Variants in DNAAF11 observed in about 807,000 individuals in gnomAD.
The protein encoded by DNAAF11 is leucine rich repeat containing 6.
In DNAAF11, 45 loss-of-function variants were observed where a neutral mutation model predicts 60.8. The ratio of observed to expected loss-of-function variants is 0.74; its 90% CI spans 0.58 to 0.95. The LOEUF is 0.95. Among genes scored for constraint, DNAAF11 ranks in the 40% least tolerant of loss-of-function variants. DNAAF11 has a pLI of 0.00. For synonymous variants in DNAAF11, 191 were observed against 183.5 expected, an observed-to-expected ratio of 1.04 and a Z score of -0.33; for missense variants, 546 against 546.2, an observed-to-expected ratio of 1.00 and a Z score of 0.00.
intron 1 of DNAAF11, among the ~76,000 whole-genome samples, chr8:132,672,215 T>A (rs572849926): frequency 2.0e-5 from 3 of 152,168 alleles, no homozygotes; most frequent in Non-Finnish European, 4.4e-5. Context: ...GATCTATAGA[T>A]GACAAATGTG....
At chr8:132,681,472 G>A in the DNAAF11 span, among the ~76,000 whole-genome samples, 1 of 152,012 alleles carries the variant, frequency 6.6e-6, no homozygotes, top group African/African-American at 2.4e-5. Context: ...TAACTGTATC[G>A]CTTGTGACAG....
chr8:132,677,199 T>C (rs559332360), upstream of DNAAF11, among the ~76,000 whole-genome samples: 80 of 152,308 alleles, frequency 5.3e-4, no homozygotes, highest in African/African-American at 1.9e-3. Context: ...GCAGGCAAGT[T>C]TAGCAAATTC....
chr8:132,682,431 G>A, the DNAAF11 span, among the ~76,000 whole-genome samples: 6 of 152,150 alleles, frequency 3.9e-5, 1 homozygote, highest in South Asian at 8.3e-4. Context: ...ATCCCTGAAT[G>A]ACTGACCACT....
intron 10 of DNAAF11, among the ~76,000 whole-genome samples, chr8:132,594,281 G>A (rs1816766098): frequency 6.6e-6 from 1 of 152,030 alleles, no homozygotes; most frequent in African/African-American, 2.4e-5. Flanking sequence ...CATTTAGATA[G>A]GTAAAGACAA....
At chr8:132,588,119 G>T (rs755874792) in intron 10 of DNAAF11, among the ~76,000 whole-genome samples, 2 of 152,086 alleles carry the variant, frequency 1.3e-5, no homozygotes, top group Non-Finnish European at 2.9e-5. Context: ...CATAAAAATT[G>T]CCAATATCTA....
At chr8:132,674,151 G>A (rs867144045) in intron 1 of DNAAF11, among the ~76,000 whole-genome samples, 1,855 of 106,650 alleles carry the variant, frequency 0.017, 107 homozygotes, top group African/African-American at 0.044. Flanking sequence ...GGAGGAAGAG[G>A]AGGAGGAGAA....
chr8:132,576,611 G>A (rs1186086215), intron 11 of DNAAF11, among the ~76,000 whole-genome samples: 1 of 152,050 alleles, frequency 6.6e-6, no homozygotes, highest in East Asian at 1.9e-4. Context: ...AATCCAAAAT[G>A]CCCCCAAATC....
chr8:132,616,675 T>C (rs1819190807), intron 7 of DNAAF11, among the ~76,000 whole-genome samples: 1 of 152,166 alleles, frequency 6.6e-6, no homozygotes, highest in Non-Finnish European at 1.5e-5. Flanking sequence ...AAGTGTGCAA[T>C]GACTCTCTTA....
intron 4 of DNAAF11, 94 bp downstream of exon 4, chr8:132,637,841 C>T (rs1821451519): frequency 6.7e-6 from 7 of 1,047,280 alleles, no homozygotes; most frequent in Admixed American, 4.7e-5. Flanking sequence ...TTATCTGAAG[C>T]AACACATTCA....
chr8:132,699,811 CAT>C, the DNAAF11 span, among the ~76,000 whole-genome samples: 1 of 152,174 alleles, frequency 6.6e-6, no homozygotes, highest in African/African-American at 2.4e-5. Context: ...GTCGGATAAA[CAT>C]ACAAACATTA....
chr8:132,578,373 A>G, intron 11 of DNAAF11: 1 of 1,260,948 alleles, frequency 7.9e-7, no homozygotes, highest in Admixed American at 3.2e-5. Flanking sequence ...AGATCACAAT[A>G]ATCTCCAAAA....
Position 132,661,520 on chromosome 8 carries a change from C to T in DNAAF11, c.118G>A (p.Asp40Asn), listed in dbSNP as rs760744496. The T allele has an allele frequency of 4.0e-5, 64 of 1,613,502 alleles. No individual in the cohort carries two copies. In the Middle Eastern group the frequency reaches 8.2e-4, roughly 21 times the overall value. ...QQEIERLEHI[D>N]KWCRDLKILY... ...ATTTTTAAATCCCGGCACCATTTATCAATGTGTTCTAGTCTTTCTATTTCT... is the reference window on the plus strand; with the variant it reads ...ATTTTTAAATCCCGGCACCATTTATTAATGTGTTCTAGTCTTTCTATTTCT... The change falls in exon 2 of 12, where the codon GAT becomes AAT. Residue 40 changes from aspartate to asparagine, a missense_variant. Coordinates refer to ENST00000620350, the MANE Select transcript of DNAAF11 (RefSeq NM_012472.6).
intron 3 of DNAAF11, among the ~76,000 whole-genome samples, chr8:132,648,094 G>A (rs957624504): frequency 6.6e-6 from 1 of 152,044 alleles, no homozygotes; most frequent in East Asian, 1.9e-4. Flanking sequence ...GATTAATATC[G>A]ATGCAAAAAT....
intron 11 of DNAAF11, among the ~76,000 whole-genome samples, chr8:132,577,708 G>C (rs572477158): frequency 3.0e-3 from 460 of 152,298 alleles, no homozygotes; most frequent in Non-Finnish European, 5.6e-3. Flanking sequence ...GCCCAGGCTG[G>C]AGTGCGGTGG....
At chr8:132,662,437 A>G (rs903770774) in intron 1 of DNAAF11, among the ~76,000 whole-genome samples, 6 of 152,220 alleles carry the variant, frequency 3.9e-5, no homozygotes, top group Admixed American at 1.3e-4. Context: ...AATGACAAGG[A>G]GGAACCAGGC....
At position 132,615,105 on chromosome 8, in the gene DNAAF11, T is replaced by C. The variant is rs761412567; in HGVS notation, c.915-8A>G. 3.1e-6 allele frequency: 5 copies of C among 1,592,710 alleles called. No homozygotes were observed. In the South Asian group the frequency reaches 4.4e-5, roughly 14 times the overall value. ...TTCAAAGAGAAGTCAATTCTAAGAA[T>C]AACACATTTGGTGGGAAAAAAGAGA... On this transcript the variant is annotated splice_region_variant and splice_polypyrimidine_tract_variant and intron_variant, in intron 7 of 11. Coordinates refer to ENST00000620350, the MANE Select transcript of DNAAF11 (RefSeq NM_012472.6).
the DNAAF11 span, among the ~76,000 whole-genome samples, chr8:132,698,935 TAC>T: frequency 2.2e-3 from 228 of 103,768 alleles, 1 homozygote; most frequent in African/African-American, 0.012. Flanking sequence ...TATATATGTA[TAC>T]ATATATATAT....
At chr8:132,582,429 A>G (rs1353851465) in intron 11 of DNAAF11, among the ~76,000 whole-genome samples, 3 of 152,202 alleles carry the variant, frequency 2.0e-5, no homozygotes, top group Non-Finnish European at 4.4e-5. Flanking sequence ...AACTGTTTGC[A>G]ATGATTTGGC....
At chr8:132,606,703 T>C (rs1356151476) in intron 10 of DNAAF11, among the ~76,000 whole-genome samples, 1 of 152,136 alleles carries the variant, frequency 6.6e-6, no homozygotes, top group Non-Finnish European at 1.5e-5. Flanking sequence ...TTTGTAGAAA[T>C]TGGGCTTCAC....
Sources: gnomAD v4.1 joint callset for allele counts (sites outside exome capture counted in the v4.1 genomes callset) on GRCh38, gnomAD v4.1.1 for gene constraint, MANE v1.5 for transcripts, NCBI Gene and HGNC (gene_info 2026-07-23, HGNC 2026-07-21) for gene names.